The following CEP135 variants were observed in gnomAD, a reference collection of about 807,000 sequenced individuals.
The protein encoded by CEP135 is centrosomal protein of 135 kDa.
A neutral mutation model predicts 157.3 loss-of-function variants in CEP135; 142 were observed. That is an observed-to-expected ratio of 0.90 (90% confidence interval 0.79 to 1.04). The LOEUF (loss-of-function observed/expected upper bound fraction) is 1.04, where lower values mean the gene tolerates loss of function less well. Among genes scored for constraint, CEP135 ranks in the 50% least tolerant of loss-of-function variants. The pLI is 0.00. For synonymous variants in CEP135, 396 were observed against 439.8 expected (o/e 0.90, Z 1.25); for missense variants, 1,317 against 1,309.2 (o/e 1.01, Z -0.09).
chr4:55,965,716 G>C lies in CEP135; in HGVS notation c.901G>C (p.Val301Leu), dbSNP rs1281589994. The C allele has an allele frequency of 1.2e-6, 2 of 1,613,932 alleles. No homozygotes were observed. Among genetic ancestry groups the C allele is most frequent in the Non-Finnish European group, 1.7e-6 (2 of 1,179,920 alleles). The change falls in exon 8 of 26, where the codon GTG becomes CTG. Residue 301 changes from valine to leucine, a missense_variant. By Grantham distance (32) the Val-to-Leu change is conservative. Transcript: ENST00000257287. ...IRELMETKETVTSEVVNLSNK... is the reference protein window; with the variant it reads ...IRELMETKETLTSEVVNLSNK... Reference sequence around the variant, plus strand: ...AGAGCTTATGGAAACCAAGGAAACAGTGACATCTGAAGTCGTTAATTTAAG... The same window carrying C: ...AGAGCTTATGGAAACCAAGGAAACACTGACATCTGAAGTCGTTAATTTAAG...
chr4:56,032,965 G>A lies in CEP135; in HGVS notation c.*1617G>A, dbSNP rs887769994. 4 of 151,762 alleles carry A rather than the reference G, an allele frequency of 2.6e-5. No homozygotes were observed. The highest frequency in any genetic ancestry group is 2.6e-4 in the Admixed American group (4 of 15,216). 9.4% of individuals were successfully genotyped at this position (151,762 alleles called of 1,614,324 possible). A position where few individuals can be genotyped will look rare whatever the true frequency, so the allele number is the denominator to read the frequency against. ...TTAGTGTGTATTAGGATGTGGGCTG[G>A]TTTGCTTTTCTACCACCTTTGTAAT... On this transcript the variant is annotated 3_prime_UTR_variant, in exon 26 of 26. Coordinates refer to ENST00000257287, the MANE Select transcript of CEP135 (RefSeq NM_025009.5).
At chr4:56,022,733 G>T (rs988799066) in intron 24 of CEP135, among the ~76,000 whole-genome samples, 4 of 152,106 alleles carry the variant, frequency 2.6e-5, no homozygotes, top group Non-Finnish European at 5.9e-5. Context: ...GAGAAAATAG[G>T]ATTCTTTCCA....
Position 56,017,687 on chromosome 4 carries a change from T to G in CEP135, c.2842T>G (p.Ser948Ala). The G allele has an allele frequency of 1.9e-6, 3 of 1,613,672 alleles. No homozygotes were observed. Among genetic ancestry groups the G allele is most frequent in the Non-Finnish European group, 2.5e-6 (3 of 1,179,940 alleles). The change falls in exon 22 of 26, where the codon TCA becomes GCA. Residue 948 changes from serine to alanine, a missense_variant. Ser to Ala is a moderately conservative substitution (Grantham distance 99). Coordinates refer to ENST00000257287, the MANE Select transcript of CEP135 (RefSeq NM_025009.5). ...TCATGCTTATGAATCTCAGATCTCATCAATGGCAAAAGCCATGTCTCGATT... is the reference window on the plus strand; with the variant it reads ...TCATGCTTATGAATCTCAGATCTCAGCAATGGCAAAAGCCATGTCTCGATT... ...AHHAYESQIS[S>A]MAKAMSRLEE...
At chr4:56,020,421 C>A (rs1241291246) in intron 23 of CEP135, among the ~76,000 whole-genome samples, 1 of 152,174 alleles carries the variant, frequency 6.6e-6, no homozygotes, top group Non-Finnish European at 1.5e-5. Flanking sequence ...CACTTTACAT[C>A]TTGGTGTTAC....
intron 6 of CEP135, among the ~76,000 whole-genome samples, chr4:55,963,055 A>T (rs558329979): frequency 8.6e-5 from 13 of 152,028 alleles, no homozygotes; most frequent in African/African-American, 3.1e-4. Flanking sequence ...GGTAGCATCA[A>T]TGTTTGCCCA....
intron 25 of CEP135, among the ~76,000 whole-genome samples, chr4:56,028,728 A>C (rs1208763104): frequency 1.3e-5 from 2 of 152,212 alleles, no homozygotes; most frequent in Admixed American, 1.3e-4. Context: ...TATCTAATGC[A>C]TGCTATTTGA....
chr4:56,026,186 G>T (rs1024182442), intron 25 of CEP135, among the ~76,000 whole-genome samples: 4 of 152,138 alleles, frequency 2.6e-5, no homozygotes, highest in Non-Finnish European at 4.4e-5. Flanking sequence ...TCCAGCTTGG[G>T]TGACAGAGTG....
intron 14 of CEP135, among the ~76,000 whole-genome samples, chr4:55,990,649 A>T (rs572342222): frequency 6.6e-6 from 1 of 151,986 alleles, no homozygotes; most frequent in South Asian, 2.1e-4. Context: ...CAGGTATACC[A>T]TCATGCCCGG....
chr4:55,973,873 T>C (rs1042480025), intron 10 of CEP135, among the ~76,000 whole-genome samples: 1 of 152,150 alleles, frequency 6.6e-6, no homozygotes, highest in African/African-American at 2.4e-5. Context: ...TCTGTTATGC[T>C]GAATGCAGTG....
chr4:56,023,999 A>G (rs1731067042), intron 24 of CEP135, among the ~76,000 whole-genome samples: 1 of 141,918 alleles, frequency 7.0e-6, no homozygotes, highest in Non-Finnish European at 1.5e-5. Context: ...TATGTTATAT[A>G]TTTATAATAT....
chr4:55,958,132 A>C (rs1391773182), intron 5 of CEP135, among the ~76,000 whole-genome samples: 1 of 152,158 alleles, frequency 6.6e-6, no homozygotes, highest in Non-Finnish European at 1.5e-5. Context: ...TCAATAGATA[A>C]AGCTAAAAAA....
chr4:56,025,399 G>T (rs1184583315), intron 25 of CEP135, among the ~76,000 whole-genome samples: 1 of 152,186 alleles, frequency 6.6e-6, no homozygotes, highest in Non-Finnish European at 1.5e-5. Context: ...CAAATAATAG[G>T]TAGTAAAAAT....
At chr4:56,030,453 T>C (rs1258252113) in intron 25 of CEP135, among the ~76,000 whole-genome samples, 2 of 152,144 alleles carry the variant, frequency 1.3e-5, no homozygotes, top group Admixed American at 1.3e-4. Context: ...TTTTGTTTTG[T>C]TTTGTTTTAG....
At chr4:56,003,445 T>G (rs997178394) in intron 17 of CEP135, among the ~76,000 whole-genome samples, 5 of 152,190 alleles carry the variant, frequency 3.3e-5, no homozygotes, top group African/African-American at 4.8e-5. Flanking sequence ...CCTGACCTAC[T>G]GATCCGCCCG....
At chr4:55,960,870 G>T (rs1307198378) in intron 6 of CEP135, 1 of 142,934 alleles carries the variant, frequency 7.0e-6, no homozygotes, top group African/African-American at 2.6e-5. Flanking sequence ...AGCTTGCAGT[G>T]AGCCGAGATC....
intron 18 of CEP135, among the ~76,000 whole-genome samples, chr4:56,008,807 T>C (rs750271017): frequency 1.3e-5 from 2 of 152,246 alleles, no homozygotes; most frequent in Non-Finnish European, 2.9e-5. Flanking sequence ...AGTCACTTAT[T>C]ATATTTATTT....
chr4:55,975,600 T>C (rs1280537878), intron 11 of CEP135, among the ~76,000 whole-genome samples: 1 of 152,230 alleles, frequency 6.6e-6, no homozygotes, highest in Non-Finnish European at 1.5e-5. Context: ...ATTAAAATCA[T>C]GTGTCTCTAT....
chr4:56,018,671 G>A (rs1730867653), intron 22 of CEP135, among the ~76,000 whole-genome samples: 1 of 151,886 alleles, frequency 6.6e-6, no homozygotes, highest in Admixed American at 6.6e-5. Flanking sequence ...GGCAGGGAAG[G>A]TTCACTTGAG....
At chr4:56,000,424 G>A (rs369815017) in intron 17 of CEP135, among the ~76,000 whole-genome samples, 4 of 152,058 alleles carry the variant, frequency 2.6e-5, no homozygotes, top group East Asian at 3.9e-4. Flanking sequence ...GATATCTTTC[G>A]AACACCAGGT....
Sources: gnomAD v4.1 joint callset for allele counts (sites outside exome capture counted in the v4.1 genomes callset) on GRCh38, gnomAD v4.1.1 for gene constraint, MANE v1.5 for transcripts, NCBI Gene and HGNC (gene_info 2026-07-23, HGNC 2026-07-21) for gene names.